TBC1D15: variants seen among roughly 807,000 people sequenced by gnomAD.
The protein encoded by TBC1D15 is TBC1 domain family member 15.
TBC1D15 carries 39 observed loss-of-function variants against 95.4 expected under a neutral mutation model. The ratio of observed to expected loss-of-function variants is 0.41; its 90% CI spans 0.32 to 0.53. The LOEUF (loss-of-function observed/expected upper bound fraction) is 0.53, where lower values mean the gene tolerates loss of function less well. Among genes scored for constraint, TBC1D15 ranks in the 20% least tolerant of loss-of-function variants. The pLI is 0.29. For synonymous variants in TBC1D15, 258 were observed against 261.3 expected, an observed-to-expected ratio of 0.99 and a Z score of 0.12; for missense variants, 733 against 794.3, an observed-to-expected ratio of 0.92 and a Z score of 0.93.
intron 5 of TBC1D15, among the ~76,000 whole-genome samples, chr12:71,889,948 C>T (rs1015498699): frequency 1.3e-5 from 2 of 152,172 alleles, no homozygotes; most frequent in East Asian, 3.9e-4. Flanking sequence ...CCAGCTTCAT[C>T]CATGTTGCTG....
chr12:71,906,862 G>A (rs1388300739), intron 10 of TBC1D15, among the ~76,000 whole-genome samples, 160 bp from the exon 11 acceptor site: 1 of 152,094 alleles, frequency 6.6e-6, no homozygotes, highest in Non-Finnish European at 1.5e-5. Context: ...TTACTTTATT[G>A]CATATTTGAA....
chr12:71,870,667 G>A (rs1428964120), intron 1 of TBC1D15, among the ~76,000 whole-genome samples: 2 of 152,090 alleles, frequency 1.3e-5, no homozygotes, highest in African/African-American at 4.8e-5. Context: ...CATCACCACC[G>A]GTTATTATTT....
chr12:71,904,152 GA>G (rs1900115815), intron 10 of TBC1D15, among the ~76,000 whole-genome samples: 1 of 152,176 alleles, frequency 6.6e-6, no homozygotes, highest in African/African-American at 2.4e-5. Flanking sequence ...CACAGAGAAA[GA>G]TTGAAAACAT....
intron 10 of TBC1D15, among the ~76,000 whole-genome samples, chr12:71,904,950 A>C (rs1159776826): frequency 6.6e-6 from 1 of 152,204 alleles, no homozygotes; most frequent in African/African-American, 2.4e-5. Flanking sequence ...GGGTCAGTCA[A>C]CGTGGTTGTG....
At chr12:71,893,756 G>T (rs1592778249) in intron 6 of TBC1D15, among the ~76,000 whole-genome samples, 1 of 151,866 alleles carries the variant, frequency 6.6e-6, no homozygotes, top group African/African-American at 2.4e-5. Context: ...TTTGAGTACT[G>T]TTCTTACATT....
At chr12:71,864,207 C>T (rs1408692111) in intron 1 of TBC1D15, among the ~76,000 whole-genome samples, 1 of 151,624 alleles carries the variant, frequency 6.6e-6, no homozygotes, top group East Asian at 2.0e-4. Context: ...GTAGCTGGGA[C>T]TACAGGCACG....
chr12:71,916,931 G>C (rs987715019), intron 12 of TBC1D15, among the ~76,000 whole-genome samples: 1 of 152,120 alleles, frequency 6.6e-6, no homozygotes. Flanking sequence ...TGATGTTTAT[G>C]TGAAAAATTA....
At chr12:71,907,215 C>G in intron 11 of TBC1D15, 77 bp downstream of exon 11, 1 of 850,584 alleles carries the variant, frequency 1.2e-6, no homozygotes, top group Admixed American at 2.9e-5. Flanking sequence ...TCCAGTTAGA[C>G]ATGGGTAATA....
intron 13 of TBC1D15, 72 bp downstream of exon 13, chr12:71,917,869 T>TA (rs1566079130): frequency 2.1e-4 from 217 of 1,040,798 alleles, no homozygotes; most frequent in Admixed American, 3.7e-4. Flanking sequence ...TAAAGAACTC[T>TA]TTAAAGAAGC....
rs139712148 is a variant in TBC1D15, at chr12:71,891,845, T to C, written c.555-1377T>C. 3.4e-4 allele frequency among the ~76,000 whole-genome samples: 52 copies of C among 152,270 alleles called. 1 individual carries two copies. The highest frequency in any genetic ancestry group is 9.4e-4 in the African/African-American group (39 of 41,584). ...AGCCATAGAGTTATCTGAACCCAGA[T>C]AGCTGAAAGTTGCCTATTTGTTCCT... On this transcript the variant is annotated intron_variant, in intron 5 of 16. Coordinates refer to ENST00000485960, the MANE Select transcript of TBC1D15 (RefSeq NM_001146213.3).
Position 71,884,940 on chromosome 12 carries a change from T to C in TBC1D15, c.473T>C (p.Val158Ala). ...SYLVFCLKDDVVLPALHFHQG... is the reference protein window; with the variant it reads ...SYLVFCLKDDAVLPALHFHQG... The stretch of plus-strand genomic sequence containing the variant: ...TTGGTATTCTGTCTAAAGGATGACG[T>C]CGTTCTCCCTGCTCTACACTTTCAT... Residue 158 changes from valine to alanine, a missense_variant, in exon 5 of 17, where the codon GTC becomes GCC. Val to Ala is a moderately conservative substitution (Grantham distance 64). Coordinates refer to ENST00000485960, the MANE Select transcript of TBC1D15 (RefSeq NM_001146213.3). 6.2e-7 allele frequency: 1 copy of C among 1,613,878 alleles called. No individual in the cohort carries two copies. Among genetic ancestry groups the C allele is most frequent in the Non-Finnish European group, 8.5e-7 (1 of 1,179,888 alleles).
At chr12:71,862,402 T>C (rs1890580547) in intron 1 of TBC1D15, among the ~76,000 whole-genome samples, 1 of 152,206 alleles carries the variant, frequency 6.6e-6, no homozygotes, top group Non-Finnish European at 1.5e-5. Context: ...ATCCTCTTGC[T>C]GAATTGATCC....
At chr12:71,903,376 G>A (rs530739708) in intron 10 of TBC1D15, among the ~76,000 whole-genome samples, 2 of 152,300 alleles carry the variant, frequency 1.3e-5, no homozygotes, top group South Asian at 2.1e-4. Context: ...AACAGATGCT[G>A]GTGAGGTTTT....
intron 1 of TBC1D15, chr12:71,868,885 A>T (rs956969763): frequency 3.3e-5 from 5 of 152,178 alleles, no homozygotes; most frequent in Admixed American, 1.3e-4. Context: ...CTACTAGCTG[A>T]GTCTTACGTG....
intron 10 of TBC1D15, among the ~76,000 whole-genome samples, chr12:71,899,110 A>G (rs988396971): frequency 4.6e-5 from 7 of 152,156 alleles, no homozygotes; most frequent in African/African-American, 1.7e-4. Flanking sequence ...TTAGAGGTCA[A>G]CTAAACCTGT....
chr12:71,878,837 A>G (rs1894533578), intron 3 of TBC1D15, among the ~76,000 whole-genome samples: 1 of 151,868 alleles, frequency 6.6e-6, no homozygotes, highest in African/African-American at 2.4e-5. Context: ...TTTAAAAAAA[A>G]AAAAACTAGT....
intron 1 of TBC1D15, among the ~76,000 whole-genome samples, chr12:71,840,016 A>C (rs1884512506): frequency 6.6e-6 from 1 of 152,160 alleles, no homozygotes; most frequent in African/African-American, 2.4e-5. Flanking sequence ...TACTGCTCCA[A>C]GGCCAGCTAG....
chr12:71,867,081 T>A (rs1891658984), intron 1 of TBC1D15, among the ~76,000 whole-genome samples: 1 of 152,210 alleles, frequency 6.6e-6, no homozygotes, highest in Non-Finnish European at 1.5e-5. Context: ...ATGAAAAGGG[T>A]TAAGCTTCTT....
intron 10 of TBC1D15, among the ~76,000 whole-genome samples, chr12:71,899,917 C>T (rs1292258009): frequency 6.6e-6 from 1 of 152,026 alleles, no homozygotes; most frequent in African/African-American, 2.4e-5. Context: ...TGCGATTGTG[C>T]CACTACACTC....
Sources: allele counts gnomAD v4.1 joint callset (sites outside exome capture counted in the v4.1 genomes callset), GRCh38; gene constraint gnomAD v4.1.1; transcripts MANE v1.5; gene names NCBI Gene and HGNC (gene_info 2026-07-23, HGNC 2026-07-21).